MGAT4C: variants seen among roughly 807,000 people sequenced by gnomAD.
MGAT4C encodes the protein alpha-1,3-mannosyl-glycoprotein 4-beta-N-acetylglucosaminyltransferase C.
Under a neutral mutation model 40.1 loss-of-function variants are expected in MGAT4C, and 19 were observed. The ratio of observed to expected loss-of-function variants is 0.47; its 90% CI spans 0.33 to 0.70. The LOEUF is 0.70. Ranked by LOEUF, MGAT4C falls within the 30% of genes least tolerant of loss-of-function variation. The pLI is 0.02. For synonymous variants in MGAT4C, 181 were observed against 187.1 expected (o/e 0.97, Z 0.27); for missense variants, 491 against 563.2 (o/e 0.87, Z 1.30).
At chr12:86,233,359 A>C (rs988519031) in intron 1 of MGAT4C, among the ~76,000 whole-genome samples, 6 of 152,298 alleles carry the variant, frequency 3.9e-5, no homozygotes, top group Non-Finnish European at 8.8e-5. Flanking sequence ...TTAAATCAAA[A>C]CCAATATTAT....
At chr12:86,199,016 T>C (rs1169648441) in intron 1 of MGAT4C, among the ~76,000 whole-genome samples, 3 of 152,154 alleles carry the variant, frequency 2.0e-5, no homozygotes, top group Admixed American at 2.0e-4. Context: ...TATTAAAGGA[T>C]TTAATAGCGT....
At chr12:86,636,199 C>G (rs1345240529) in intron 2 of MGAT4C, among the ~76,000 whole-genome samples, 1 of 152,042 alleles carries the variant, frequency 6.6e-6, no homozygotes, top group Non-Finnish European at 1.5e-5. Flanking sequence ...TGCCTAAGGA[C>G]AAATTTCTGA....
At chr12:86,307,342 A>G (rs910700476) in intron 4 of MGAT4C, among the ~76,000 whole-genome samples, 2 of 150,178 alleles carry the variant, frequency 1.3e-5, no homozygotes, top group African/African-American at 5.0e-5. Flanking sequence ...CTACATTGCT[A>G]CATTGTTTAT....
chr12:86,620,405 C>A (rs947594574), intron 2 of MGAT4C, among the ~76,000 whole-genome samples: 4 of 151,884 alleles, frequency 2.6e-5, no homozygotes, highest in African/African-American at 9.7e-5. Flanking sequence ...AAAATTATGT[C>A]TTTTGCAACA....
At chr12:86,364,621 G>A (rs898830117) in intron 3 of MGAT4C, among the ~76,000 whole-genome samples, 4 of 152,090 alleles carry the variant, frequency 2.6e-5, no homozygotes, top group African/African-American at 9.7e-5. Context: ...TTTCACGTAG[G>A]TTCTTTTCTA....
intron 2 of MGAT4C, among the ~76,000 whole-genome samples, chr12:86,042,405 A>C (rs1400293838): frequency 6.6e-6 from 1 of 152,036 alleles, no homozygotes; most frequent in Non-Finnish European, 1.5e-5. Context: ...TTATAGTGTC[A>C]ATGGTTTCTG....
At chr12:86,575,342 C>T (rs1483412597) in intron 2 of MGAT4C, among the ~76,000 whole-genome samples, 2 of 151,798 alleles carry the variant, frequency 1.3e-5, no homozygotes, top group Non-Finnish European at 2.9e-5. Context: ...ATTAAACATC[C>T]TTACTTCCCA....
chr12:86,051,882 T>C lies in MGAT4C; in HGVS notation c.-56-2159A>G, dbSNP rs111231352. Among the ~76,000 whole-genome samples the C allele has an allele frequency of 4.2e-3, 643 of 151,766 alleles. 4 individuals carry two copies. The highest frequency in any genetic ancestry group is 0.015 in the African/African-American group (619 of 41,526). On this transcript the variant is annotated intron_variant, in intron 1 of 4. Transcript: ENST00000611864. ...TTAAAATGGTTAGTTTTTTGTACTA[T>C]TGCTCTATAGCATGATGAAAAATAT...
intron 1 of MGAT4C, among the ~76,000 whole-genome samples, chr12:86,073,409 A>T (rs1430885658): frequency 1.3e-5 from 2 of 152,186 alleles, no homozygotes; most frequent in East Asian, 1.9e-4. Flanking sequence ...GATACCTGAA[A>T]ATGTGGAAGC....
chr12:86,325,427 A>G (rs935333366), intron 4 of MGAT4C, among the ~76,000 whole-genome samples: 1 of 152,236 alleles, frequency 6.6e-6, no homozygotes, highest in African/African-American at 2.4e-5. Context: ...AAATAAGTGT[A>G]CAATATAATA....
At chr12:86,771,686 ATGTGTGTGTG>A (rs59917182) in intron 1 of MGAT4C, among the ~76,000 whole-genome samples, 91 of 146,856 alleles carry the variant, frequency 6.2e-4, no homozygotes, top group African/African-American at 1.3e-3. Context: ...ATAAATATAT[ATGTGTGTGTG>A]TGTGTGTGTG....
chr12:86,756,004 T>A (rs573185182), intron 1 of MGAT4C, among the ~76,000 whole-genome samples: 24 of 151,618 alleles, frequency 1.6e-4, no homozygotes, highest in African/African-American at 5.5e-4. Context: ...TATTTTAAAA[T>A]ATATATATAA....
intron 4 of MGAT4C, among the ~76,000 whole-genome samples, chr12:86,314,121 C>T (rs961088973): frequency 6.6e-6 from 1 of 152,154 alleles, no homozygotes; most frequent in African/African-American, 2.4e-5. Flanking sequence ...TCTCAAATAT[C>T]GTTTTTCATC....
chr12:86,517,256 C>T (rs181936908), intron 2 of MGAT4C, among the ~76,000 whole-genome samples: 2 of 152,212 alleles, frequency 1.3e-5, no homozygotes, highest in Admixed American at 1.3e-4. Flanking sequence ...TTGAATTGTA[C>T]ATTTTAAAAG....
chr12:85,964,877 T>C lies in MGAT4C; in HGVS notation c.*14412A>G, dbSNP rs917447038. The C allele has an allele frequency of 6.6e-6, 1 of 152,106 alleles. No individual in the cohort carries two copies. The highest frequency in any genetic ancestry group is 1.5e-5 in the Non-Finnish European group (1 of 68,026). The allele number at this position is 152,106 out of a possible 1,614,324, so 9.4% of individuals were successfully genotyped here. ...CCATCTGTGGGCTAATGTCTGAAAG[T>C]CCTATGATTAAACTCACTTTTATGT... On this transcript the variant is annotated 3_prime_UTR_variant, in exon 5 of 5. Transcript: ENST00000611864.
At chr12:86,587,095 T>G (rs1309604039) in intron 2 of MGAT4C, among the ~76,000 whole-genome samples, 2 of 152,072 alleles carry the variant, frequency 1.3e-5, no homozygotes, top group African/African-American at 4.8e-5. Context: ...GGTCTAACAT[T>G]TAAGTCTTTA....
intron 4 of MGAT4C, among the ~76,000 whole-genome samples, chr12:86,326,342 T>C (rs1954528270): frequency 6.6e-6 from 1 of 151,304 alleles, no homozygotes; most frequent in Non-Finnish European, 1.5e-5. Context: ...ACGGTAATTA[T>C]GTAAGGTGAT....
At chr12:86,402,752 A>C (rs1353543913) in intron 3 of MGAT4C, among the ~76,000 whole-genome samples, 1 of 152,192 alleles carries the variant, frequency 6.6e-6, no homozygotes, top group Non-Finnish European at 1.5e-5. Context: ...AATTAATTTT[A>C]TCTGGTTATA....
At chr12:86,251,130 CG>C (rs1367676483) in intron 1 of MGAT4C, among the ~76,000 whole-genome samples, 2 of 80,884 alleles carry the variant, frequency 2.5e-5, no homozygotes, top group Admixed American at 1.7e-4. Context: ...TTTTATTTCC[CG>C]TTTTTTTTTT....
Sources: allele counts gnomAD v4.1 joint callset (sites outside exome capture counted in the v4.1 genomes callset), GRCh38; gene constraint gnomAD v4.1.1; transcripts MANE v1.5; gene names NCBI Gene and HGNC (gene_info 2026-07-23, HGNC 2026-07-21).